The following PSMD13 variants were observed in gnomAD, a reference collection of about 807,000 sequenced individuals.
PSMD13 encodes the protein 26S proteasome non-ATPase regulatory subunit 13.
PSMD13 carries 8 observed loss-of-function variants against 57.4 expected under a neutral mutation model. That is an observed-to-expected ratio of 0.14 (90% CI 0.08 to 0.25). The LOEUF (loss-of-function observed/expected upper bound fraction) is 0.25, where lower values mean the gene tolerates loss of function less well. Ranked by LOEUF, PSMD13 falls within the 10% of genes least tolerant of loss-of-function variation. The pLI, the probability that PSMD13 is intolerant of heterozygous loss-of-function variation, is 1.00. For missense variants in PSMD13, 400 were observed against 461.5 expected (o/e 0.87, Z 1.22); for synonymous variants, 193 against 168.2 (o/e 1.15, Z -1.14).
chr11:251,505 T>A lies in PSMD13; in HGVS notation c.838-41T>A. ...ATCCTTATCAGTTCTCTATTTTTATTTGGAAAAATAGTTTAAAATAGTTAA... is the reference window on the plus strand; with the variant it reads ...ATCCTTATCAGTTCTCTATTTTTATATGGAAAAATAGTTTAAAATAGTTAA... On this transcript the variant is annotated intron_variant, in intron 10 of 12. Coordinates refer to ENST00000532097, the MANE Select transcript of PSMD13 (RefSeq NM_002817.4). This position sits in a 1 kb window ranked among gnomAD's most constrained non-coding sequence, Gnocchi z 4.6. 1.3e-6 allele frequency: 2 copies of A among 1,498,598 alleles called. No homozygotes were observed. Among genetic ancestry groups the A allele is most frequent in the Non-Finnish European group, 1.8e-6 (2 of 1,087,104 alleles). The allele number at this position is 1,498,598 out of a possible 1,614,324, so 92.8% of individuals were successfully genotyped here. A position where few individuals can be genotyped will look rare whatever the true frequency, so the allele number is the denominator to read the frequency against.
intron 7 of PSMD13, 105 bp downstream of exon 7, chr11:247,553 T>C (rs1431963013): frequency 3.8e-6 from 5 of 1,300,948 alleles, no homozygotes; most frequent in South Asian, 1.5e-5. Context: ...AAGGTGGGGC[T>C]GGGCACGGTG....
chr11:252,713 C>A lies in PSMD13; in HGVS notation c.*113C>A. ...TTGAATTTGGGTGGGGGTTGGGATC[C>A]TGTCTGAAGTACAGACTGTTCTTGC... On this transcript the variant is annotated 3_prime_UTR_variant, in exon 13 of 13. Transcript: ENST00000532097. This position sits in a 1 kb window ranked among gnomAD's most constrained non-coding sequence, Gnocchi z 4.1. The A allele has an allele frequency of 1.1e-6, 1 of 951,930 alleles. No homozygotes were observed. The highest frequency in any genetic ancestry group is 2.0e-5 in the Admixed American group (1 of 50,124). The allele number at this position is 951,930 out of a possible 1,614,324, so 59.0% of individuals were successfully genotyped here.
intron 7 of PSMD13, 21 bp downstream of exon 7, chr11:247,469 C>A: frequency 6.2e-7 from 1 of 1,607,422 alleles, no homozygotes; most frequent in Non-Finnish European, 8.5e-7. Context: ...CCATTAAATC[C>A]ATGTCACACA....
Position 244,496 on chromosome 11 carries a change from TTTAGTAC to T in PSMD13, c.309+28_309+34del, listed in dbSNP as rs774233171. 1.6e-4 allele frequency: 15 copies of T among 92,352 alleles called. No individual in the cohort carries two copies. The South Asian group carries it at 3.1e-3, about 19-fold the overall frequency. The allele number at this position is 92,352 out of a possible 1,614,324, so 5.7% of individuals were successfully genotyped here. ...TAAATGTGGCATGTGGGCAATACCT[TTTAGTAC>T]CTTTTAGAGTATGTATGACTTAACA... On this transcript the variant is annotated intron_variant, in intron 5 of 12. Transcript: ENST00000532097.
intron 9 of PSMD13, among the ~76,000 whole-genome samples, chr11:249,961 G>C (rs999428228): frequency 2.6e-5 from 4 of 151,942 alleles, no homozygotes; most frequent in African/African-American, 2.4e-5. Flanking sequence ...AGACCTAACT[G>C]TGGTCTGATT....
At position 251,439 on chromosome 11, in the gene PSMD13, A is replaced by T; in HGVS notation, c.838-107A>T. On this transcript the variant is annotated intron_variant, in intron 10 of 12. Transcript: ENST00000532097. The surrounding 1 kb of genome is among the most constrained non-coding windows in gnomAD (Gnocchi z 4.6). Reference sequence around the variant, plus strand: ...TAGGAAACTTTTTAGTATGTGGGGTACTAATAAGATCTCTATTTTCAGAGC... The same window carrying T: ...TAGGAAACTTTTTAGTATGTGGGGTTCTAATAAGATCTCTATTTTCAGAGC... The T allele has an allele frequency of 1.1e-6, 1 of 948,340 alleles. No individual in the cohort carries two copies. The highest frequency in any genetic ancestry group is 1.6e-6 in the Non-Finnish European group (1 of 628,646). 58.7% of individuals were successfully genotyped at this position (948,340 alleles called of 1,614,324 possible).
Position 252,543 on chromosome 11 carries a change from G to A in PSMD13, c.1074G>A (p.Thr358=), listed in dbSNP as rs143526107. 2.2e-5 allele frequency: 36 copies of A among 1,613,956 alleles called. No individual in the cohort carries two copies. Among genetic ancestry groups the A allele is most frequent in the East Asian group, 2.2e-5 (1 of 44,900 alleles). ...GMKDRLEFWC[T]DVKSMEMLVE... Reference sequence around the variant, plus strand: ...AGGACCGCCTGGAGTTCTGGTGCACGGATGTGAAGAGCATGGAGATGCTGG... The same window carrying A: ...AGGACCGCCTGGAGTTCTGGTGCACAGATGTGAAGAGCATGGAGATGCTGG... Residue 358 remains threonine, a synonymous_variant, in exon 13 of 13, where the codon ACG becomes ACA. Coordinates refer to ENST00000532097, the MANE Select transcript of PSMD13 (RefSeq NM_002817.4). The surrounding 1 kb of genome is among the most constrained non-coding windows in gnomAD (Gnocchi z 4.1).
At position 252,286 on chromosome 11, in the gene PSMD13, T is replaced by C. The variant is rs1859778929; in HGVS notation, c.1036-219T>C. 1 of 551,644 alleles carries C rather than the reference T, an allele frequency of 1.8e-6. No homozygotes were observed. The highest frequency in any genetic ancestry group is 3.3e-6 in the Non-Finnish European group (1 of 306,978). The allele number at this position is 551,644 out of a possible 1,614,324, so 34.2% of individuals were successfully genotyped here. ...CGATCCTGTGGATTTCCTCTGTCCT[T>C]GTCTGCTTTCTTTCATGCAAGTTTT... On this transcript the variant is annotated intron_variant, in intron 12 of 12. Coordinates refer to ENST00000532097, the MANE Select transcript of PSMD13 (RefSeq NM_002817.4). The surrounding 1 kb of genome is among the most constrained non-coding windows in gnomAD (Gnocchi z 4.1).
chr11:237,012 C>T lies in PSMD13; in HGVS notation c.-38C>T, dbSNP rs1281011421. The T allele has an allele frequency of 1.1e-5, 17 of 1,545,918 alleles. No homozygotes were observed. The highest frequency in any genetic ancestry group is 1.5e-5 in the Non-Finnish European group (17 of 1,119,702). ...GCAGCCATCCCCGCGGTGCTGACAT[C>T]CCGGTTGTTCTTCTGTGCCGGGGGT... On this transcript the variant is annotated 5_prime_UTR_variant, in exon 1 of 13. Coordinates refer to ENST00000532097, the MANE Select transcript of PSMD13 (RefSeq NM_002817.4).
chr11:250,952 AGT>A, intron 10 of PSMD13, 87 bp downstream of exon 10: 1 of 1,223,668 alleles, frequency 8.2e-7, no homozygotes, highest in Non-Finnish European at 1.2e-6. Context: ...TGTGCTGAGC[AGT>A]GTGAGCTTTC....
At chr11:249,424 T>A (rs1859725207) in intron 9 of PSMD13, among the ~76,000 whole-genome samples, 2 of 151,766 alleles carry the variant, frequency 1.3e-5, no homozygotes, top group African/African-American at 4.8e-5. Context: ...AACGGAAAAG[T>A]TTAGTATCTT....
chr11:238,945 G>A, intron 1 of PSMD13, 53 bp from the exon 2 acceptor site: 4 of 1,465,044 alleles, frequency 2.7e-6, no homozygotes, highest in Non-Finnish European at 3.8e-6. Context: ...AAGGCTGGAG[G>A]TGTCTGTGAC....
chr11:246,993 T>A (rs1018728313), intron 6 of PSMD13, among the ~76,000 whole-genome samples: 19 of 152,222 alleles, frequency 1.2e-4, no homozygotes, highest in African/African-American at 4.3e-4. Context: ...CTTTGTACTT[T>A]TTTCTGTGTT....
At chr11:245,641 CGTGTGT>C (rs4029226) in intron 6 of PSMD13, among the ~76,000 whole-genome samples, 13,978 of 122,374 alleles carry the variant, frequency 0.11, 783 homozygotes, top group South Asian at 0.29. Context: ...TGAACCAGAA[CGTGTGT>C]GTGTGTGTGT....
chr11:237,823 C>T (rs1221184633), intron 1 of PSMD13, among the ~76,000 whole-genome samples: 3 of 152,222 alleles, frequency 2.0e-5, no homozygotes, highest in African/African-American at 7.2e-5. Flanking sequence ...TAAGCACTAA[C>T]CTCCTTTTAA....
chr11:240,578 A>T (rs1859492909), intron 2 of PSMD13, among the ~76,000 whole-genome samples: 1 of 152,222 alleles, frequency 6.6e-6, no homozygotes, highest in South Asian at 2.1e-4. Flanking sequence ...AGGTTGGCAG[A>T]TCTGAGTTTA....
chr11:242,778 T>G (rs1393841517), intron 2 of PSMD13, among the ~76,000 whole-genome samples: 2 of 152,094 alleles, frequency 1.3e-5, no homozygotes, highest in South Asian at 2.1e-4. Flanking sequence ...ATCCTGATAC[T>G]ACATTATGTC....
intron 6 of PSMD13, among the ~76,000 whole-genome samples, chr11:246,995 T>C (rs1449604807): frequency 6.6e-6 from 1 of 152,240 alleles, no homozygotes; most frequent in Non-Finnish European, 1.5e-5. Flanking sequence ...TTGTACTTTT[T>C]TCTGTGTTTT....
chr11:244,762 G>T lies in PSMD13; in HGVS notation c.396+1G>T, dbSNP rs1272637336. Reference sequence around the variant, plus strand: ...CATCGGGGACCTACAGGTTACAAAGGTGAGATCACCATAATACAGATTTAT... The same window carrying T: ...CATCGGGGACCTACAGGTTACAAAGTTGAGATCACCATAATACAGATTTAT... On this transcript the variant is annotated splice_donor_variant, in intron 6 of 12. Coordinates refer to ENST00000532097, the MANE Select transcript of PSMD13 (RefSeq NM_002817.4). LOFTEE classifies it high-confidence loss of function. 6.3e-7 allele frequency: 1 copy of T among 1,597,720 alleles called. No homozygotes were observed. Among genetic ancestry groups the T allele is most frequent in the Non-Finnish European group, 8.6e-7 (1 of 1,166,558 alleles).
Sources: gnomAD v4.1 joint callset for allele counts (sites outside exome capture counted in the v4.1 genomes callset) on GRCh38, gnomAD v4.1.1 for gene constraint, Gnocchi (gnomAD v3.1) non-coding constraint, MANE v1.5 for transcripts, NCBI Gene and HGNC (gene_info 2026-07-23, HGNC 2026-07-21) for gene names.